RAD51B: variants seen among roughly 807,000 people sequenced by gnomAD.
RAD51B encodes the protein RAD51 paralog B, also known as DNA repair protein RAD51 homolog 2.
Under a neutral mutation model 42.2 loss-of-function variants are expected in RAD51B, and 38 were observed. The observed-to-expected ratio is 0.90, with a 90% CI of 0.70 to 1.18. The LOEUF (loss-of-function observed/expected upper bound fraction) is 1.18. RAD51B is among the 50% of genes most tolerant of loss of function. RAD51B has a pLI of 0.00. For synonymous variants in RAD51B, 154 were observed against 145.2 expected (o/e 1.06, Z -0.43); for missense variants, 373 against 400.7 (o/e 0.93, Z 0.59).
intron 7 of RAD51B, among the ~76,000 whole-genome samples, chr14:67,999,116 C>T (rs1031573568): frequency 9.2e-5 from 14 of 152,096 alleles, no homozygotes; most frequent in African/African-American, 3.1e-4. Flanking sequence ...CGACCTTGTT[C>T]ATTTTCCTTT....
intron 7 of RAD51B, among the ~76,000 whole-genome samples, chr14:68,059,245 A>T (rs2076530119): frequency 6.6e-6 from 1 of 152,072 alleles, no homozygotes; most frequent in Non-Finnish European, 1.5e-5. Context: ...AAAGCCAACT[A>T]ATCTTCCGTT....
chr14:68,477,398 C>A (rs1316362595), intron 10 of RAD51B, among the ~76,000 whole-genome samples: 2 of 152,152 alleles, frequency 1.3e-5, no homozygotes, highest in Non-Finnish European at 2.9e-5. Context: ...GACCTCTTCC[C>A]ACCCAGTGCA....
At chr14:68,441,651 A>C (rs1185725135) in intron 9 of RAD51B, among the ~76,000 whole-genome samples, 1 of 152,150 alleles carries the variant, frequency 6.6e-6, no homozygotes, top group Non-Finnish European at 1.5e-5. Flanking sequence ...TTCCATTGCA[A>C]AAAAGATAAT....
At chr14:68,614,265 C>A (rs17106023), downstream of RAD51B, among the ~76,000 whole-genome samples, 7,095 of 152,146 alleles carry the variant, frequency 0.047, 546 homozygotes, top group African/African-American at 0.16. Context: ...CTGAGTTGAA[C>A]CATATTGCTG....
intron 7 of RAD51B, among the ~76,000 whole-genome samples, chr14:68,099,182 A>G (rs945057055): frequency 6.6e-6 from 1 of 152,172 alleles, no homozygotes; most frequent in Admixed American, 6.5e-5. Context: ...TGTGGAAGAG[A>G]ACACATAAAG....
At chr14:67,957,968 A>G (rs1047824208) in intron 7 of RAD51B, among the ~76,000 whole-genome samples, 8 of 152,266 alleles carry the variant, frequency 5.3e-5, no homozygotes, top group African/African-American at 1.9e-4. Flanking sequence ...ACGTTCATTC[A>G]GTCCTCACCA....
At chr14:68,634,681 T>C (rs68065132) in intron 10 of RAD51B, among the ~76,000 whole-genome samples, 26,998 of 151,744 alleles carry the variant, frequency 0.18, 2,511 homozygotes, top group Non-Finnish European at 0.2. Context: ...CAGCCAGTAA[T>C]GGGGTGGGGG....
intron 5 of RAD51B, among the ~76,000 whole-genome samples, chr14:67,885,505 A>G (rs1463840343): frequency 6.6e-6 from 1 of 152,238 alleles, no homozygotes; most frequent in East Asian, 1.9e-4. Flanking sequence ...GTTCAAATAT[A>G]CTTATTTCAT....
chr14:67,933,664 T>C (rs2044826001), intron 7 of RAD51B, among the ~76,000 whole-genome samples: 1 of 152,216 alleles, frequency 6.6e-6, no homozygotes, highest in African/African-American at 2.4e-5. Flanking sequence ...GTTGGTCACT[T>C]GCTTCCTTCT....
intron 11 of RAD51B, among the ~76,000 whole-genome samples, chr14:68,656,844 T>C (rs976177686): frequency 2.6e-5 from 4 of 152,192 alleles, no homozygotes; most frequent in Non-Finnish European, 5.9e-5. Context: ...TCCCCTCTGC[T>C]CCACACTGTT....
In RAD51B at chr14:68,202,965, T is replaced by C. The variant is rs527323225; in HGVS notation, c.757-88919T>C. On this transcript the variant is annotated intron_variant, in intron 7 of 10. Transcript: ENST00000471583. ...AGGCTCTACTTCTAATTCTAGTTCT[T>C]TTACTATTTCCTTCACATCTGCAGT... 1.1e-4 allele frequency among the ~76,000 whole-genome samples: 17 copies of C among 152,248 alleles called. No homozygotes were observed. The South Asian group carries it at 3.3e-3, about 30-fold the overall frequency.
chr14:68,525,941 C>G (rs780722043), intron 10 of RAD51B, among the ~76,000 whole-genome samples: 11 of 152,216 alleles, frequency 7.2e-5, no homozygotes, highest in Non-Finnish European at 1.3e-4. Flanking sequence ...CTCCACCATT[C>G]CATCACATGA....
At chr14:68,258,874 A>T (rs139161385) in intron 7 of RAD51B, among the ~76,000 whole-genome samples, 1 of 152,362 alleles carries the variant, frequency 6.6e-6, no homozygotes, top group Non-Finnish European at 1.5e-5. Context: ...CTGCAAAGAA[A>T]GAAGAATCTT....
rs59872373 is a variant in RAD51B, at chr14:68,367,237, G to C, written c.854-44187G>C. Among the ~76,000 whole-genome samples, 1,364 of 152,304 alleles carry C rather than the reference G, an allele frequency of 9.0e-3. 20 individuals carry two copies. Among genetic ancestry groups the C allele is most frequent in the African/African-American group, 0.032 (1,326 of 41,562 alleles). The stretch of plus-strand genomic sequence containing the variant: ...TCATGAAATATACCATTTTGGGACT[G>C]AAAGATGATGACAGTGATATGTTTT... On this transcript the variant is annotated intron_variant, in intron 8 of 10. Coordinates refer to ENST00000471583, the MANE Select transcript of RAD51B (RefSeq NM_133510.4).
intron 7 of RAD51B, among the ~76,000 whole-genome samples, chr14:68,065,183 G>A (rs546581905): frequency 6.6e-6 from 1 of 152,274 alleles, no homozygotes; most frequent in South Asian, 2.1e-4. Flanking sequence ...TTGTTTTGAA[G>A]GGGTAGCATA....
intron 7 of RAD51B, among the ~76,000 whole-genome samples, chr14:67,972,441 T>A (rs1270414580): frequency 6.6e-6 from 1 of 151,908 alleles, no homozygotes; most frequent in Non-Finnish European, 1.5e-5. Flanking sequence ...TGTCCTGGAG[T>A]GTTACACAAG....
intron 10 of RAD51B, among the ~76,000 whole-genome samples, chr14:68,574,133 G>A (rs1169692905): frequency 1.3e-5 from 2 of 152,048 alleles, no homozygotes; most frequent in East Asian, 3.9e-4. Flanking sequence ...GTTTGAGACA[G>A]GGTCTCGCTC....
At position 68,425,574 on chromosome 14, in the gene RAD51B, C is replaced by T. The variant is rs768315869; in HGVS notation, c.957+14047C>T. Among the ~76,000 whole-genome samples, 55 of 152,296 alleles carry T rather than the reference C, an allele frequency of 3.6e-4. No homozygotes were observed. The Middle Eastern group carries it at 0.01, about 28-fold the overall frequency. ...AAGAAGGCCCTCACCAGATGCTGGC[C>T]CCTTGATTTTGGACTTAGCCCCCAG... On this transcript the variant is annotated intron_variant, in intron 9 of 10. Coordinates refer to ENST00000471583, the MANE Select transcript of RAD51B (RefSeq NM_133510.4).
At chr14:68,343,995 T>C (rs1594694629) in intron 8 of RAD51B, among the ~76,000 whole-genome samples, 1 of 152,236 alleles carries the variant, frequency 6.6e-6, no homozygotes, top group African/African-American at 2.4e-5. Flanking sequence ...AGAGGATGTA[T>C]TGGAAATCCT....
Sources: allele counts gnomAD v4.1 joint callset (sites outside exome capture counted in the v4.1 genomes callset), GRCh38; gene constraint gnomAD v4.1.1; transcripts MANE v1.5; gene names NCBI Gene and HGNC (gene_info 2026-07-23, HGNC 2026-07-21).